SETBP1: variants seen among roughly 807,000 people sequenced by gnomAD.
SETBP1 encodes the protein SET binding protein 1, also known as SET-binding protein.
In SETBP1, 9 loss-of-function variants were observed where a neutral mutation model predicts 101.0. That is an observed-to-expected ratio of 0.09 (90% CI 0.05 to 0.16). The LOEUF (loss-of-function observed/expected upper bound fraction) is 0.16. SETBP1 is among the 10% of genes least tolerant of loss of function. The pLI is 1.00. For missense variants in SETBP1, 1,858 were observed against 2,033.8 expected (o/e 0.91, Z 1.66); for synonymous variants, 818 against 788.5 (o/e 1.04, Z -0.63).
chr18:45,000,897 C>T (rs548849072), intron 4 of SETBP1, among the ~76,000 whole-genome samples: 1 of 151,796 alleles, frequency 6.6e-6, no homozygotes, highest in East Asian at 1.9e-4. Flanking sequence ...TACTGAGTTA[C>T]GAAGACAGCC....
At chr18:44,912,137 C>A (rs1013273866) in intron 3 of SETBP1, among the ~76,000 whole-genome samples, 2 of 151,910 alleles carry the variant, frequency 1.3e-5, no homozygotes, top group Non-Finnish European at 2.9e-5. Context: ...TTATAAGAGT[C>A]TTTTTCTAGA....
intron 3 of SETBP1, chr18:44,871,869 C>G (rs969602348): frequency 6.6e-6 from 1 of 152,152 alleles, no homozygotes; most frequent in African/African-American, 2.4e-5. Flanking sequence ...GCCTGGCCTC[C>G]GGGCCACAGG....
At chr18:44,813,602 C>G (rs1394720683) in intron 2 of SETBP1, among the ~76,000 whole-genome samples, 2 of 152,156 alleles carry the variant, frequency 1.3e-5, no homozygotes, top group African/African-American at 2.4e-5. Flanking sequence ...CATCTAGGCT[C>G]TACATTTCTA....
At chr18:44,831,876 T>C (rs2144462638) in intron 2 of SETBP1, among the ~76,000 whole-genome samples, 1 of 152,350 alleles carries the variant, frequency 6.6e-6, no homozygotes, top group Admixed American at 6.5e-5. Flanking sequence ...CTGTGCATTC[T>C]GCCTTAGGGT....
chr18:44,763,939 G>A (rs2070711547), intron 2 of SETBP1, among the ~76,000 whole-genome samples: 5 of 152,046 alleles, frequency 3.3e-5, no homozygotes, highest in Admixed American at 3.3e-4. Flanking sequence ...CTTTCTCATG[G>A]CATTAAATAT....
chr18:44,913,822 C>G (rs2070367969), intron 3 of SETBP1, among the ~76,000 whole-genome samples: 1 of 152,212 alleles, frequency 6.6e-6, no homozygotes, highest in African/African-American at 2.4e-5. Context: ...GTGGAAAGAT[C>G]AGGCTGATGC....
At chr18:44,818,722 C>A (rs768987558) in intron 2 of SETBP1, among the ~76,000 whole-genome samples, 3 of 149,452 alleles carry the variant, frequency 2.0e-5, no homozygotes, top group East Asian at 4.0e-4. Context: ...TTTGAGATTT[C>A]TTTTTATGAA....
intron 4 of SETBP1, among the ~76,000 whole-genome samples, chr18:45,036,787 C>T (rs2073406737): frequency 6.6e-6 from 1 of 152,190 alleles, no homozygotes; most frequent in Non-Finnish European, 1.5e-5. Flanking sequence ...AGGTGTGATA[C>T]TGGGGCCTCT....
chr18:44,828,794 A>G (rs1270907291), intron 2 of SETBP1, among the ~76,000 whole-genome samples: 1 of 152,322 alleles, frequency 6.6e-6, no homozygotes, highest in East Asian at 1.9e-4. Flanking sequence ...AGCTGATAGG[A>G]TTAGTGCATT....
chr18:44,919,319 C>T (rs1261416770), intron 3 of SETBP1, among the ~76,000 whole-genome samples: 2 of 151,822 alleles, frequency 1.3e-5, no homozygotes, highest in African/African-American at 4.8e-5. Context: ...GTATCCTTAG[C>T]CAGCCTGTCT....
intron 3 of SETBP1, among the ~76,000 whole-genome samples, chr18:44,926,886 T>A (rs1023067296): frequency 1.3e-5 from 2 of 152,158 alleles, no homozygotes; most frequent in Admixed American, 1.3e-4. Flanking sequence ...AATCCAGAGC[T>A]ATTGGGAGAG....
intron 3 of SETBP1, among the ~76,000 whole-genome samples, chr18:44,873,389 A>G (rs1272498071): frequency 6.6e-6 from 1 of 152,248 alleles, no homozygotes; most frequent in Non-Finnish European, 1.5e-5. Context: ...ATGTGAAAGT[A>G]GCATTGTATG....
intron 3 of SETBP1, among the ~76,000 whole-genome samples, chr18:44,908,140 A>G (rs2070219628): frequency 6.6e-6 from 1 of 151,848 alleles, no homozygotes; most frequent in Non-Finnish European, 1.5e-5. Flanking sequence ...AGCTTACTGC[A>G]ACCTCCGCCT....
intron 2 of SETBP1, among the ~76,000 whole-genome samples, chr18:44,818,202 G>A (rs561888468): frequency 4.6e-5 from 7 of 152,286 alleles, no homozygotes; most frequent in Middle Eastern, 3.4e-3. Flanking sequence ...TGCCTTTTGA[G>A]AAGCATTTTT....
chr18:44,701,526 G>A lies in SETBP1; in HGVS notation c.180G>A (p.Glu60=). ...GAGAGCGCATGGAGCCAGAGGAGGA[G>A]GATGAACTAGGCTCAGGGCGGGATG... ...VGGERMEPEE[E]DELGSGRDVD... The change falls in exon 2 of 6, where the codon GAG becomes GAA. Residue 60 remains glutamate, a synonymous_variant. Coordinates refer to ENST00000649279, the MANE Select transcript of SETBP1 (RefSeq NM_015559.3). 6.2e-7 allele frequency: 1 copy of A among 1,614,090 alleles called. No individual in the cohort carries two copies. The highest frequency in any genetic ancestry group is 8.5e-7 in the Non-Finnish European group (1 of 1,179,974).
intron 3 of SETBP1, among the ~76,000 whole-genome samples, chr18:44,894,880 A>G (rs2069856020): frequency 6.6e-6 from 1 of 151,052 alleles, no homozygotes. Flanking sequence ...TGGGAGGCTG[A>G]CTCAGGAGGA....
rs562200098 is a variant in SETBP1 at position 44,808,052 on chromosome 18, G to A, written c.487-61178G>A. 3.7e-4 allele frequency among the ~76,000 whole-genome samples: 57 copies of A among 152,310 alleles called. 1 individual carries two copies. The South Asian group carries it at 0.011, about 30-fold the overall frequency. ...GTGACAGAATGGAAACTAGATTGGA[G>A]GTGAAAGATATCAAAACCCCACCAG... On this transcript the variant is annotated intron_variant, in intron 2 of 5. Coordinates refer to ENST00000649279, the MANE Select transcript of SETBP1 (RefSeq NM_015559.3).
chr18:44,961,113 G>A (rs1184452874), intron 4 of SETBP1, among the ~76,000 whole-genome samples: 2 of 152,196 alleles, frequency 1.3e-5, no homozygotes, highest in East Asian at 1.9e-4. Flanking sequence ...TCAGCAAGGA[G>A]AGAGTCAGAG....
intron 4 of SETBP1, among the ~76,000 whole-genome samples, chr18:45,017,987 C>G (rs564680831): frequency 6.6e-6 from 1 of 152,252 alleles, no homozygotes; most frequent in South Asian, 2.1e-4. Flanking sequence ...ACAGTGTCAC[C>G]AACAATGTAG....
Sources: gnomAD v4.1 joint callset for allele counts (sites outside exome capture counted in the v4.1 genomes callset) on GRCh38, gnomAD v4.1.1 for gene constraint, MANE v1.5 for transcripts, NCBI Gene and HGNC (gene_info 2026-07-23, HGNC 2026-07-21) for gene names.